CRACR2A: variants seen among roughly 807,000 people sequenced by gnomAD.
CRACR2A encodes calcium release activated channel regulator 2A.
CRACR2A carries 79 observed loss-of-function variants against 90.5 expected under a neutral mutation model. The observed-to-expected ratio is 0.87, with a 90% CI of 0.73 to 1.05. The LOEUF (loss-of-function observed/expected upper bound fraction) is 1.05. Ranked by LOEUF, CRACR2A falls within the 50% of genes least tolerant of loss-of-function variation. The pLI, the probability that CRACR2A is intolerant of heterozygous loss-of-function variation, is 0.00. For synonymous variants in CRACR2A, 338 were observed against 356.7 expected, an observed-to-expected ratio of 0.95 and a Z score of 0.59; for missense variants, 823 against 897.2, an observed-to-expected ratio of 0.92 and a Z score of 1.06.
chr12:3,720,921 C>T (rs1258167536), intron 2 of CRACR2A, among the ~76,000 whole-genome samples: 1 of 152,224 alleles, frequency 6.6e-6, no homozygotes, highest in Non-Finnish European at 1.5e-5. Flanking sequence ...GTGGGCAGAG[C>T]TGCTTTCCAA....
chr12:3,636,366 C>T (rs1011011959), intron 14 of CRACR2A, among the ~76,000 whole-genome samples: 2 of 152,230 alleles, frequency 1.3e-5, no homozygotes, highest in South Asian at 4.1e-4. Flanking sequence ...TTCCCTGCTG[C>T]AGTTCCTGTT....
chr12:3,675,747 G>A (rs900086080), intron 6 of CRACR2A, among the ~76,000 whole-genome samples: 6 of 152,078 alleles, frequency 3.9e-5, no homozygotes, highest in South Asian at 2.1e-4. Context: ...AAACAGAAAC[G>A]TAAATGTGAC....
At chr12:3,747,335 A>G (rs2137925287) in intron 1 of CRACR2A, among the ~76,000 whole-genome samples, 1 of 152,384 alleles carries the variant, frequency 6.6e-6, no homozygotes, top group South Asian at 2.1e-4. Context: ...ACTCTCAGCC[A>G]TGCCCAGTGT....
chr12:3,734,404 A>G (rs1197641646), intron 1 of CRACR2A, among the ~76,000 whole-genome samples: 1 of 152,126 alleles, frequency 6.6e-6, no homozygotes, highest in East Asian at 1.9e-4. Context: ...CAGGGACTAA[A>G]CCCTGAAAAT....
chr12:3,653,969 G>T (rs1278142917), intron 10 of CRACR2A, among the ~76,000 whole-genome samples: 2 of 152,184 alleles, frequency 1.3e-5, no homozygotes, highest in African/African-American at 4.8e-5. Context: ...TGTAATCACA[G>T]AATGCATTTT....
Position 3,682,979 on chromosome 12 carries a change from C to T in CRACR2A, c.229-2630G>A, listed in dbSNP as rs922444703. On this transcript the variant is annotated intron_variant, in intron 4 of 19. Coordinates refer to ENST00000440314, the MANE Select transcript of CRACR2A (RefSeq NM_001144958.2). ...TGTATTTTTAGTAGAGACAGGGTTT[C>T]ACCATCTTGGCCAGGCTGGTCTTGA... is the stretch of plus-strand genomic sequence containing the variant. 4.6e-5 allele frequency among the ~76,000 whole-genome samples: 7 copies of T among 152,220 alleles called. No individual in the cohort carries two copies. The East Asian group carries it at 5.8e-4, about 13-fold the overall frequency.
intron 10 of CRACR2A, among the ~76,000 whole-genome samples, chr12:3,651,101 G>A (rs1240085523): frequency 1.3e-5 from 2 of 152,242 alleles, no homozygotes; most frequent in African/African-American, 4.8e-5. Context: ...TTTGTTTGGA[G>A]TGGTAATTGG....
chr12:3,633,118 G>A lies in CRACR2A; in HGVS notation c.1735+486C>T, dbSNP rs1223083038. Among the ~76,000 whole-genome samples, 3 of 152,126 alleles carry A rather than the reference G, an allele frequency of 2.0e-5. No homozygotes were observed. Among genetic ancestry groups the A allele is most frequent in the African/African-American group, 4.8e-5 (2 of 41,426 alleles). On this transcript the variant is annotated intron_variant, in intron 15 of 19. Coordinates refer to ENST00000440314, the MANE Select transcript of CRACR2A (RefSeq NM_001144958.2). The surrounding 1 kb of genome is among the most constrained non-coding windows in gnomAD (Gnocchi z 4.5). ...TGGGGACTTAGGACAGATACAATGC[G>A]ATGGGTAAAAGAAGCCATCCAGGAG... is the stretch of plus-strand genomic sequence containing the variant.
At chr12:3,673,867 G>A (rs1945296199) in intron 6 of CRACR2A, among the ~76,000 whole-genome samples, 1 of 152,186 alleles carries the variant, frequency 6.6e-6, no homozygotes, top group South Asian at 2.1e-4. Flanking sequence ...AGCTGTCTAA[G>A]ATCACCCAGC....
intron 4 of CRACR2A, among the ~76,000 whole-genome samples, chr12:3,689,427 C>T (rs879260662): frequency 1.3e-5 from 2 of 152,124 alleles, no homozygotes; most frequent in Non-Finnish European, 2.9e-5. Flanking sequence ...TATCAAAAGT[C>T]TTTTCTGCAT....
intron 14 of CRACR2A, among the ~76,000 whole-genome samples, chr12:3,634,293 T>A (rs1457389296): frequency 6.6e-6 from 1 of 152,184 alleles, no homozygotes; most frequent in African/African-American, 2.4e-5. Context: ...TGGAGGATGC[T>A]TTTGCCTCCC....
intron 3 of CRACR2A, among the ~76,000 whole-genome samples, chr12:3,702,095 A>T (rs565362673): frequency 6.6e-6 from 1 of 152,328 alleles, no homozygotes; most frequent in East Asian, 1.9e-4. Flanking sequence ...CAGAAAACGC[A>T]TCTGACAAAA....
intron 1 of CRACR2A, among the ~76,000 whole-genome samples, chr12:3,735,887 A>G (rs1457285015): frequency 6.6e-6 from 1 of 152,102 alleles, no homozygotes. Flanking sequence ...TGTGATTCTG[A>G]TATTTGAGAA....
At chr12:3,700,078 G>T (rs1222808483) in intron 3 of CRACR2A, among the ~76,000 whole-genome samples, 1 of 152,116 alleles carries the variant, frequency 6.6e-6, no homozygotes, top group South Asian at 2.1e-4. Flanking sequence ...TTAAGCAGGG[G>T]CAGGACTATA....
intron 12 of CRACR2A, among the ~76,000 whole-genome samples, chr12:3,643,831 A>C (rs1238541189): frequency 1.2e-5 from 1 of 81,250 alleles, no homozygotes; most frequent in African/African-American, 4.4e-5. Context: ...ATTATATATA[A>C]ATATATATAA....
At chr12:3,752,610 C>G (rs996497773) in intron 1 of CRACR2A, 1 of 152,510 alleles carries the variant, frequency 6.6e-6, no homozygotes, top group African/African-American at 2.4e-5. Flanking sequence ...GTGGCCAGGG[C>G]TCCTAGTAGC....
At chr12:3,657,895 A>G (rs761664591) in intron 8 of CRACR2A, among the ~76,000 whole-genome samples, 1 of 152,156 alleles carries the variant, frequency 6.6e-6, no homozygotes, top group East Asian at 1.9e-4. Context: ...TTCACGGTCA[A>G]ACAAACTGGT....
At chr12:3,675,475 A>G (rs1361824591) in intron 6 of CRACR2A, among the ~76,000 whole-genome samples, 2 of 152,212 alleles carry the variant, frequency 1.3e-5, no homozygotes, top group East Asian at 3.8e-4. Context: ...CAGAGCCCTC[A>G]CAAATGGGAC....
At chr12:3,662,944 G>T (rs1945064793) in intron 7 of CRACR2A, among the ~76,000 whole-genome samples, 1 of 152,154 alleles carries the variant, frequency 6.6e-6, no homozygotes, top group South Asian at 2.1e-4. Context: ...CACTTCTATT[G>T]CCTAATGCAT....
Sources: gnomAD v4.1 joint callset for allele counts (sites outside exome capture counted in the v4.1 genomes callset) on GRCh38, gnomAD v4.1.1 for gene constraint, Gnocchi (gnomAD v3.1) non-coding constraint, MANE v1.5 for transcripts, NCBI Gene and HGNC (gene_info 2026-07-23, HGNC 2026-07-21) for gene names.